FOCAD: variants seen among roughly 807,000 people sequenced by gnomAD.
FOCAD encodes the protein KIAA1797.
In FOCAD, 198 loss-of-function variants were observed where a neutral mutation model predicts 225.6. The ratio of observed to expected loss-of-function variants is 0.88; its 90% CI spans 0.78 to 0.99. The LOEUF is 0.99. Ranked by LOEUF, FOCAD falls within the 50% of genes least tolerant of loss-of-function variation. FOCAD has a pLI of 0.00. For synonymous variants in FOCAD, 897 were observed against 755.0 expected, an observed-to-expected ratio of 1.19 and a Z score of -3.08; for missense variants, 2,713 against 2,123.6, an observed-to-expected ratio of 1.28 and a Z score of -5.46.
chr9:20,711,927 A>C lies in FOCAD; in HGVS notation c.-32-3395A>C, dbSNP rs181370002. Among the ~76,000 whole-genome samples, 17 of 152,328 alleles carry C rather than the reference A, an allele frequency of 1.1e-4. 1 individual carries two copies. The highest frequency in any genetic ancestry group is 1.1e-3 in the Admixed American group (17 of 15,294). ...AGTGGACAGAGGAACAGGAGGAGTC[A>C]GTAAAACAGTGTTTCCCAGTGTGTA... On this transcript the variant is annotated intron_variant, in intron 1 of 43. Coordinates refer to ENST00000338382, the MANE Select transcript of FOCAD (RefSeq NM_001375567.1).
At chr9:20,907,056 A>G (rs764567462) in intron 21 of FOCAD, 94 bp from the exon 22 acceptor site, 28 of 952,330 alleles carry the variant, frequency 2.9e-5, no homozygotes, top group Non-Finnish European at 4.3e-5. Context: ...AATCTAAACC[A>G]CTTAAGGAAA....
At chr9:20,968,513 C>G (rs1490181758) in intron 35 of FOCAD, among the ~76,000 whole-genome samples, 1 of 131,530 alleles carries the variant, frequency 7.6e-6, no homozygotes, top group African/African-American at 2.8e-5. Context: ...GTGATCTCAG[C>G]TCACTGCAAC....
intron 1 of FOCAD, among the ~76,000 whole-genome samples, chr9:20,704,408 T>C (rs529252557): frequency 6.6e-6 from 1 of 152,334 alleles, no homozygotes; most frequent in East Asian, 1.9e-4. Flanking sequence ...AATTTAGTTT[T>C]TATGAAAAAT....
chr9:20,899,230 T>C (rs1832362679), intron 21 of FOCAD, among the ~76,000 whole-genome samples: 1 of 151,938 alleles, frequency 6.6e-6, no homozygotes, highest in African/African-American at 2.4e-5. Flanking sequence ...TTTCTGATAT[T>C]CACTATGAGA....
intron 15 of FOCAD, among the ~76,000 whole-genome samples, chr9:20,846,582 T>A (rs1827134860): frequency 6.6e-6 from 1 of 152,168 alleles, no homozygotes; most frequent in African/African-American, 2.4e-5. Context: ...TTCATGATTG[T>A]ACACTTGGCT....
chr9:20,801,912 G>A (rs567628438), intron 11 of FOCAD, among the ~76,000 whole-genome samples: 1 of 152,254 alleles, frequency 6.6e-6, no homozygotes, highest in Admixed American at 6.5e-5. Flanking sequence ...TTTACCAGAA[G>A]TGTCGAGTGC....
chr9:20,932,774 T>G (rs1327080037), intron 27 of FOCAD, among the ~76,000 whole-genome samples: 4 of 152,162 alleles, frequency 2.6e-5, no homozygotes, highest in Admixed American at 2.0e-4. Context: ...ATAGGAGATT[T>G]TGTGTTTATT....
intron 21 of FOCAD, among the ~76,000 whole-genome samples, chr9:20,893,750 T>C (rs1387495619): frequency 1.3e-5 from 2 of 152,090 alleles, no homozygotes; most frequent in Non-Finnish European, 2.9e-5. Context: ...TTGAGAGCAA[T>C]GTATGGAGCA....
At chr9:20,886,416 A>C (rs1227173039) in intron 21 of FOCAD, among the ~76,000 whole-genome samples, 1 of 152,162 alleles carries the variant, frequency 6.6e-6, no homozygotes, top group Non-Finnish European at 1.5e-5. Context: ...GCACTTAGAT[A>C]TTTGAAGGAA....
intron 11 of FOCAD, among the ~76,000 whole-genome samples, chr9:20,798,863 A>G (rs1317859818): frequency 6.6e-6 from 1 of 151,570 alleles, no homozygotes; most frequent in South Asian, 2.1e-4. Flanking sequence ...TTCTGCTCTG[A>G]TCTTAGTTAT....
intron 15 of FOCAD, among the ~76,000 whole-genome samples, chr9:20,842,809 GTCT>G (rs756757301): frequency 6.6e-6 from 1 of 151,702 alleles, no homozygotes; most frequent in Non-Finnish European, 1.5e-5. Flanking sequence ...CATCCTTCCT[GTCT>G]TCTTCTTTGT....
intron 15 of FOCAD, among the ~76,000 whole-genome samples, chr9:20,857,397 G>A (rs1828293514): frequency 6.6e-6 from 1 of 151,672 alleles, no homozygotes; most frequent in Non-Finnish European, 1.5e-5. Context: ...TTTTCAGATT[G>A]TCCATTGTTG....
intron 21 of FOCAD, among the ~76,000 whole-genome samples, chr9:20,902,551 G>A (rs573190630): frequency 4.0e-5 from 6 of 151,834 alleles, no homozygotes; most frequent in Non-Finnish European, 5.9e-5. Flanking sequence ...ACCATCAAAG[G>A]TTTTGCAAAG....
intron 36 of FOCAD, among the ~76,000 whole-genome samples, chr9:20,977,956 A>C (rs1840359445): frequency 6.6e-6 from 1 of 152,224 alleles, no homozygotes; most frequent in Non-Finnish European, 1.5e-5. Flanking sequence ...TCTATCTTTA[A>C]GCCATTCCAC....
rs1328330114 is a variant in FOCAD at position 20,769,935 on chromosome 9, A to G, written c.700-97A>G. ...ATCTCCTTTAAGTCTTTATAGGTTTAGAGAAAAAATTACATTGTTCAAAGC... is the reference window on the plus strand; with the variant it reads ...ATCTCCTTTAAGTCTTTATAGGTTTGGAGAAAAAATTACATTGTTCAAAGC... On this transcript the variant is annotated intron_variant, in intron 7 of 43. Coordinates refer to ENST00000338382, the MANE Select transcript of FOCAD (RefSeq NM_001375567.1). 3 of 1,102,282 alleles carry G rather than the reference A, an allele frequency of 2.7e-6. No individual in the cohort carries two copies. The Admixed American group carries it at 7.0e-5, about 26-fold the overall frequency. The allele number at this position is 1,102,282 out of a possible 1,614,324, so 68.3% of individuals were successfully genotyped here.
At chr9:20,890,502 C>A (rs1156829043) in intron 21 of FOCAD, among the ~76,000 whole-genome samples, 1 of 151,606 alleles carries the variant, frequency 6.6e-6, no homozygotes, top group African/African-American at 2.4e-5. Context: ...CTAATGTAAA[C>A]CAACCTTGCA....
chr9:20,756,105 T>C (rs746679863), intron 5 of FOCAD, among the ~76,000 whole-genome samples: 6 of 152,200 alleles, frequency 3.9e-5, no homozygotes, highest in Admixed American at 6.5e-5. Context: ...TCTAGGTAGG[T>C]TTAACTGCCA....
chr9:20,907,274 C>T (rs377118519), intron 22 of FOCAD, 32 bp downstream of exon 22: 34 of 1,540,568 alleles, frequency 2.2e-5, no homozygotes, highest in South Asian at 3.4e-5. Context: ...TTTGCTTTGG[C>T]GAAATGTCTC....
intron 15 of FOCAD, among the ~76,000 whole-genome samples, chr9:20,830,095 A>G (rs1480464146): frequency 1.3e-5 from 2 of 152,038 alleles, no homozygotes; most frequent in Non-Finnish European, 2.9e-5. Flanking sequence ...TTTTATTAAG[A>G]TAAAATTCAC....
Sources: allele counts gnomAD v4.1 joint callset (sites outside exome capture counted in the v4.1 genomes callset), GRCh38; gene constraint gnomAD v4.1.1; transcripts MANE v1.5; gene names NCBI Gene and HGNC (gene_info 2026-07-23, HGNC 2026-07-21).